Variants in MARCHF1 observed in about 807,000 individuals in gnomAD.
MARCHF1 encodes membrane associated ring-CH-type finger 1, also known as E3 ubiquitin-protein ligase MARCHF1.
A neutral mutation model predicts 54.2 loss-of-function variants in MARCHF1; 40 were observed. That is an observed-to-expected ratio of 0.74 (90% CI 0.57 to 0.96). The LOEUF (loss-of-function observed/expected upper bound fraction) is 0.96. MARCHF1 is among the 40% of genes least tolerant of loss of function. The probability of loss-of-function intolerance (pLI) is 0.00; values close to 1 mark genes in which losing one functional copy is unlikely to be tolerated. For synonymous variants in MARCHF1, 236 were observed against 236.3 expected (o/e 1.00, Z 0.01); for missense variants, 586 against 656.5 (o/e 0.89, Z 1.17).
intron 3 of MARCHF1, among the ~76,000 whole-genome samples, chr4:163,959,100 C>T (rs563203323): frequency 1.3e-5 from 2 of 151,916 alleles, no homozygotes; most frequent in South Asian, 2.1e-4. Flanking sequence ...GTTGATCTAC[C>T]ATACACAGTA....
intron 4 of MARCHF1, among the ~76,000 whole-genome samples, chr4:163,742,257 TCAAA>T (rs1746218123): frequency 6.6e-6 from 1 of 152,130 alleles, no homozygotes; most frequent in Admixed American, 6.5e-5. Flanking sequence ...CTGAATGATG[TCAAA>T]CAAATATGGC....
chr4:164,086,824 A>G, intron 2 of MARCHF1, among the ~76,000 whole-genome samples: 1 of 152,084 alleles, frequency 6.6e-6, no homozygotes, highest in East Asian at 1.9e-4. Flanking sequence ...TAATTTTGAG[A>G]AGATAGATGG....
At chr4:163,751,027 A>G (rs191914210) in intron 4 of MARCHF1, among the ~76,000 whole-genome samples, 2 of 152,338 alleles carry the variant, frequency 1.3e-5, no homozygotes, top group African/African-American at 4.8e-5. Flanking sequence ...TAACTGATGG[A>G]AGAATGACCA....
intron 1 of MARCHF1, chr4:164,197,354 C>G (rs1199477861): frequency 8.1e-6 from 13 of 1,612,584 alleles, no homozygotes; most frequent in Middle Eastern, 1.6e-4. Context: ...TTGGTTACCT[C>G]GCAATTGAAA....
intron 1 of MARCHF1, among the ~76,000 whole-genome samples, chr4:164,115,685 G>A (rs1306162577): frequency 2.0e-5 from 3 of 152,010 alleles, no homozygotes; most frequent in African/African-American, 7.2e-5. Context: ...AGCTTATGGT[G>A]TAAGTTTGGT....
At chr4:163,786,645 GT>G (rs1050866267) in intron 4 of MARCHF1, among the ~76,000 whole-genome samples, 1 of 151,846 alleles carries the variant, frequency 6.6e-6, no homozygotes, top group African/African-American at 2.4e-5. Flanking sequence ...AAAAAGTTTA[GT>G]TGGATGCCAT....
intron 1 of MARCHF1, among the ~76,000 whole-genome samples, chr4:164,145,357 G>A (rs1273576081): frequency 6.6e-6 from 1 of 152,026 alleles, no homozygotes; most frequent in Non-Finnish European, 1.5e-5. Flanking sequence ...AAGCCGGGCA[G>A]AGACACAACC....
At chr4:164,025,243 T>C (rs1273521462) in intron 2 of MARCHF1, among the ~76,000 whole-genome samples, 1 of 152,042 alleles carries the variant, frequency 6.6e-6, no homozygotes, top group South Asian at 2.1e-4. Flanking sequence ...TTGAAACTAA[T>C]AGACATCTAC....
intron 3 of MARCHF1, among the ~76,000 whole-genome samples, chr4:163,863,173 C>A (rs1402137659): frequency 6.6e-6 from 1 of 151,926 alleles, no homozygotes; most frequent in Non-Finnish European, 1.5e-5. Flanking sequence ...GACATCATTT[C>A]GAGTTCAGGG....
At chr4:163,749,331 T>G (rs1379366974) in intron 4 of MARCHF1, among the ~76,000 whole-genome samples, 1 of 152,066 alleles carries the variant, frequency 6.6e-6, no homozygotes, top group Non-Finnish European at 1.5e-5. Context: ...TTGTTTTTGT[T>G]TTTTTATTCC....
At chr4:163,900,794 T>C (rs1323294787) in intron 3 of MARCHF1, among the ~76,000 whole-genome samples, 3 of 152,154 alleles carry the variant, frequency 2.0e-5, no homozygotes, top group Non-Finnish European at 4.4e-5. Context: ...TGAGGGAATA[T>C]TGACATGCTA....
chr4:164,081,326 G>C (rs1356820665), intron 2 of MARCHF1, among the ~76,000 whole-genome samples: 1 of 148,836 alleles, frequency 6.7e-6, no homozygotes, highest in Non-Finnish European at 1.5e-5. Context: ...TATGTCAGCA[G>C]ATCTTGTTCA....
chr4:163,608,715 T>G (rs1741223633), intron 7 of MARCHF1, among the ~76,000 whole-genome samples: 1 of 151,994 alleles, frequency 6.6e-6, no homozygotes, highest in South Asian at 2.1e-4. Flanking sequence ...GCAAACAGAA[T>G]AGAGTGTGCA....
At chr4:164,043,680 C>A (rs1262402994) in intron 2 of MARCHF1, among the ~76,000 whole-genome samples, 3 of 152,160 alleles carry the variant, frequency 2.0e-5, no homozygotes, top group Non-Finnish European at 2.9e-5. Context: ...AATTTCTCCC[C>A]AGAAAAAGAG....
At chr4:164,013,572 G>A (rs1157512126) in intron 2 of MARCHF1, among the ~76,000 whole-genome samples, 2 of 152,036 alleles carry the variant, frequency 1.3e-5, no homozygotes, top group African/African-American at 4.8e-5. Flanking sequence ...ACCCAAATAA[G>A]ACTACCTCAA....
rs1743695071 is a variant in MARCHF1, at chr4:163,670,392, AT to A, written c.162+30420del. ...TATCTATCTATCTATCTGTCTGTCT[AT>A]CTATCTATCTATCTATCTATCTATC... On this transcript the variant is annotated intron_variant, in intron 5 of 9. Transcript: ENST00000514618. Among the ~76,000 whole-genome samples the A allele has an allele frequency of 2.7e-4, 10 of 37,532 alleles. No individual in the cohort carries two copies. In the South Asian group the frequency reaches 7.0e-3, roughly 26 times the overall value. 24.6% of individuals were successfully genotyped at this position (37,532 alleles called of 152,430 possible). A position where few individuals can be genotyped will look rare whatever the true frequency, so the allele number is the denominator to read the frequency against.
intron 3 of MARCHF1, among the ~76,000 whole-genome samples, chr4:163,986,056 G>A (rs1273413054): frequency 1.3e-5 from 2 of 151,056 alleles, no homozygotes; most frequent in East Asian, 1.9e-4. Context: ...CAAGTTATTC[G>A]GCGGCCTACA....
At chr4:164,372,914 C>T (rs1273228820) in intron 1 of MARCHF1, among the ~76,000 whole-genome samples, 1 of 151,968 alleles carries the variant, frequency 6.6e-6, no homozygotes, top group Non-Finnish European at 1.5e-5. Flanking sequence ...ATAGTGGTGG[C>T]CACCTTTCTT....
chr4:163,796,328 G>C (rs1025911887), intron 4 of MARCHF1, among the ~76,000 whole-genome samples: 1 of 146,646 alleles, frequency 6.8e-6, no homozygotes, highest in Admixed American at 7.1e-5. Flanking sequence ...CCAGGTTCAA[G>C]TGATTCTCCT....
Sources: allele counts gnomAD v4.1 joint callset (sites outside exome capture counted in the v4.1 genomes callset), GRCh38; gene constraint gnomAD v4.1.1; transcripts MANE v1.5; gene names NCBI Gene and HGNC (gene_info 2026-07-23, HGNC 2026-07-21).